Variants in ANXA8 observed in about 807,000 individuals in gnomAD.
ANXA8 encodes VAC-beta.
Under a neutral mutation model 26.8 loss-of-function variants are expected in ANXA8, and 9 were observed. The observed-to-expected ratio is 0.34, with a 90% CI of 0.20 to 0.59. ANXA8 has a LOEUF of 0.59. Among genes scored for constraint, ANXA8 ranks in the 20% least tolerant of loss-of-function variants. The probability of loss-of-function intolerance (pLI) is 0.84; values close to 1 mark genes in which losing one functional copy is unlikely to be tolerated. For synonymous variants in ANXA8, 39 were observed against 94.8 expected, an observed-to-expected ratio of 0.41 and a Z score of 3.42; for missense variants, 83 against 238.5, an observed-to-expected ratio of 0.35 and a Z score of 4.29.
the ANXA8 span, among the ~76,000 whole-genome samples, chr10:47,697,054 T>C: frequency 1.3e-5 from 2 of 151,788 alleles, no homozygotes; most frequent in Non-Finnish European, 2.9e-5. Flanking sequence ...TAAAAGAAGC[T>C]GTTTAATGAG....
At chr10:47,572,527 C>A in the ANXA8 span, among the ~76,000 whole-genome samples, 2 of 150,956 alleles carry the variant, frequency 1.3e-5, no homozygotes, top group Admixed American at 6.6e-5. Flanking sequence ...ACCAGCCTGG[C>A]CAACATGGTG....
At chr10:47,982,405 A>G in the ANXA8 span, among the ~76,000 whole-genome samples, 1 of 151,052 alleles carries the variant, frequency 6.6e-6, no homozygotes, top group Non-Finnish European at 1.5e-5. Context: ...TGAAAATCCA[A>G]TATTAAACCT....
chr10:47,729,034 G>GGCA, the ANXA8 span, among the ~76,000 whole-genome samples: 1 of 144,814 alleles, frequency 6.9e-6, no homozygotes, highest in African/African-American at 2.5e-5. Flanking sequence ...GATTACAGGC[G>GGCA]TGAGCTGCCG....
chr10:47,494,919 G>C, the ANXA8 span, among the ~76,000 whole-genome samples: 1 of 152,180 alleles, frequency 6.6e-6, no homozygotes. Context: ...ATCTCCCTGG[G>C]TCTAGAGGGA....
At chr10:47,565,142 G>T in the ANXA8 span, 1 of 747,630 alleles carries the variant, frequency 1.3e-6, no homozygotes, top group Non-Finnish European at 2.4e-6. Context: ...CCAGCTGCTG[G>T]AGGACCAGAG....
chr10:47,717,997 CAAAAAAAAAAA>C, the ANXA8 span, among the ~76,000 whole-genome samples: 2 of 55,490 alleles, frequency 3.6e-5, no homozygotes, highest in African/African-American at 1.7e-4. Flanking sequence ...TACTCTGTCT[CAAAAAAAAAAA>C]AAAAAAAAAA....
the ANXA8 span, among the ~76,000 whole-genome samples, chr10:47,743,303 T>TATACATACAC: frequency 1.9e-5 from 1 of 53,946 alleles, no homozygotes; most frequent in Admixed American, 2.7e-4. Context: ...TACACATATA[T>TATACATACAC]ATATATATAC....
chr10:47,956,614 C>G, the ANXA8 span, among the ~76,000 whole-genome samples: 1 of 150,714 alleles, frequency 6.6e-6, no homozygotes, highest in Non-Finnish European at 1.5e-5. Flanking sequence ...TGGAGACTTC[C>G]CTCCCATCCC....
the ANXA8 span, among the ~76,000 whole-genome samples, chr10:47,737,195 CA>C: frequency 6.7e-6 from 1 of 150,206 alleles, no homozygotes; most frequent in South Asian, 2.1e-4. Flanking sequence ...TGGATCAACC[CA>C]TCAATCTTTT....
At chr10:47,501,498 A>G in the ANXA8 span, among the ~76,000 whole-genome samples, 1 of 136,488 alleles carries the variant, frequency 7.3e-6, no homozygotes, top group Non-Finnish European at 1.6e-5. Context: ...TCACGAGGTC[A>G]GGAGTTCGAG....
the ANXA8 span, among the ~76,000 whole-genome samples, chr10:47,497,892 C>T: frequency 5.5e-4 from 83 of 151,218 alleles, no homozygotes; most frequent in Non-Finnish European, 9.6e-4. Flanking sequence ...TGAGCCGAGA[C>T]GGCGCCATTG....
the ANXA8 span, among the ~76,000 whole-genome samples, chr10:47,658,435 A>G: frequency 6.7e-6 from 1 of 149,994 alleles, no homozygotes; most frequent in Admixed American, 6.6e-5. Context: ...ATATTTTCAC[A>G]TTTACTACTG....
At chr10:47,672,758 C>T in the ANXA8 span, among the ~76,000 whole-genome samples, 1 of 151,896 alleles carries the variant, frequency 6.6e-6, no homozygotes, top group African/African-American at 2.4e-5. Context: ...GAGCAGAGAC[C>T]TTAATGTACT....
At chr10:47,926,430 T>TG in the ANXA8 span, among the ~76,000 whole-genome samples, 10 of 4,782 alleles carry the variant, frequency 2.1e-3, 3 homozygotes, top group African/African-American at 5.7e-3. Context: ...CTGGGGGTGG[T>TG]GGGGGGGGTG....
At chr10:47,671,928 T>G in the ANXA8 span, among the ~76,000 whole-genome samples, 1 of 151,826 alleles carries the variant, frequency 6.6e-6, no homozygotes, top group African/African-American at 2.4e-5. Flanking sequence ...AAAAGACCAG[T>G]TAGTTTGTGC....
the ANXA8 span, among the ~76,000 whole-genome samples, chr10:47,549,561 T>G: frequency 6.7e-6 from 1 of 148,468 alleles, no homozygotes; most frequent in African/African-American, 2.5e-5. Context: ...ATCCTGTTTT[T>G]CTTCCTGTGT....
the ANXA8 span, among the ~76,000 whole-genome samples, chr10:47,561,476 C>T: frequency 6.6e-6 from 1 of 151,850 alleles, no homozygotes; most frequent in South Asian, 2.1e-4. Flanking sequence ...ACTTATTCCT[C>T]CTGTCTAATT....
At chr10:47,733,198 T>TTTCTTTCTTTCTTTCTTTCTTTCTTTC in the ANXA8 span, among the ~76,000 whole-genome samples, 2 of 112,008 alleles carry the variant, frequency 1.8e-5, no homozygotes, top group East Asian at 4.7e-4. Flanking sequence ...TCTTTCTTTC[T>TTTCTTTCTTTCTTTCTTTCTTTCTTTC]TTCTTTCTTT....
the ANXA8 span, among the ~76,000 whole-genome samples, chr10:47,750,704 C>A: frequency 1.6e-5 from 2 of 128,120 alleles, no homozygotes; most frequent in Admixed American, 8.4e-5. Context: ...TTCCAAAGTG[C>A]GGGGATAATA....
Sources: allele counts gnomAD v4.1 joint callset (sites outside exome capture counted in the v4.1 genomes callset), GRCh38; gene constraint gnomAD v4.1.1; transcripts MANE v1.5; gene names NCBI Gene and HGNC (gene_info 2026-07-23, HGNC 2026-07-21).